The following NECAP2 variants were observed in gnomAD, a reference collection of about 807,000 sequenced individuals.
NECAP2 encodes the protein NECAP endocytosis associated 2, also known as adaptin ear-binding coat-associated protein 2.
Under a neutral mutation model 37.8 loss-of-function variants are expected in NECAP2, and 38 were observed. The observed-to-expected ratio is 1.01, with a 90% CI of 0.78 to 1.32. The LOEUF is 1.32. Among genes scored for constraint, NECAP2 ranks in the 40% most tolerant of loss-of-function variants. NECAP2 has a pLI of 0.00. For missense variants in NECAP2, 316 were observed against 334.5 expected (o/e 0.94, Z 0.43); for synonymous variants, 121 against 127.7 (o/e 0.95, Z 0.35).
chr1:16,442,654 G>A (rs1481171589), intron 1 of NECAP2, among the ~76,000 whole-genome samples: 4 of 152,244 alleles, frequency 2.6e-5, no homozygotes, highest in Admixed American at 2.0e-4. Flanking sequence ...ACAGCTGGCT[G>A]TGGTGGCTCA....
At chr1:16,456,587 T>C (rs762645954) in intron 7 of NECAP2, among the ~76,000 whole-genome samples, 13 of 152,150 alleles carry the variant, frequency 8.5e-5, no homozygotes, top group South Asian at 2.1e-4. Context: ...CCCATCCTCA[T>C]AGAACGCCTG....
rs564943374 is a variant in NECAP2, at chr1:16,441,046, C to T, written c.92+193C>T. On this transcript the variant is annotated intron_variant, in intron 1 of 7. Coordinates refer to ENST00000337132, the MANE Select transcript of NECAP2 (RefSeq NM_018090.5). ...GTTTCGCCCGTCTCAGTTCGACGCACGGGACTCCTGGCGGCGGGGAGGGCG... is the reference window on the plus strand; with the variant it reads ...GTTTCGCCCGTCTCAGTTCGACGCATGGGACTCCTGGCGGCGGGGAGGGCG... 59 of 578,282 alleles carry T rather than the reference C, an allele frequency of 1.0e-4. 2 individuals carry two copies. The South Asian group carries it at 1.2e-3, about 12-fold the overall frequency. 35.8% of individuals were successfully genotyped at this position (578,282 alleles called of 1,614,324 possible).
chr1:16,454,265 G>T (rs777693054), intron 6 of NECAP2, among the ~76,000 whole-genome samples: 17 of 150,744 alleles, frequency 1.1e-4, no homozygotes, highest in Non-Finnish European at 1.8e-4. Context: ...CTCCATGTTG[G>T]TCAGGCTGGT....
Position 16,459,965 on chromosome 1 carries a change from C to T in NECAP2, c.*1075C>T, listed in dbSNP as rs1485759283. 1.3e-5 allele frequency: 2 copies of T among 152,202 alleles called. No homozygotes were observed. The highest frequency in any genetic ancestry group is 2.9e-5 in the Non-Finnish European group (2 of 68,048). The allele number at this position is 152,202 out of a possible 1,614,324, so 9.4% of individuals were successfully genotyped here. A position where few individuals can be genotyped will look rare whatever the true frequency, so the allele number is the denominator to read the frequency against. On this transcript the variant is annotated 3_prime_UTR_variant, in exon 8 of 8. Transcript: ENST00000337132. ...CTCTGACATTCCTTTTATTAACTCACCTCTCAGTTGAAAGATTTCTTCTTT... is the reference window on the plus strand; with the variant it reads ...CTCTGACATTCCTTTTATTAACTCATCTCTCAGTTGAAAGATTTCTTCTTT...
intron 7 of NECAP2, 66 bp from the exon 8 acceptor site, chr1:16,458,776 A>C: frequency 6.4e-7 from 1 of 1,572,990 alleles, no homozygotes; most frequent in Non-Finnish European, 8.7e-7. Flanking sequence ...AGAGAAACCA[A>C]CTTTTATCTG....
chr1:16,451,060 T>C (rs886538996), intron 5 of NECAP2: 6 of 152,266 alleles, frequency 3.9e-5, no homozygotes, highest in African/African-American at 1.4e-4. Context: ...TCCCAGTAAC[T>C]GCCCTGAGTA....
At chr1:16,447,829 G>T in intron 2 of NECAP2, 41 bp from the exon 3 acceptor site, 1 of 1,550,256 alleles carries the variant, frequency 6.5e-7, no homozygotes, top group Non-Finnish European at 8.9e-7. Flanking sequence ...TGGCTGGAAG[G>T]GGGCTCAGGG....
At position 16,455,804 on chromosome 1, in the gene NECAP2, GGGAACATCAATAGGA is replaced by G; in HGVS notation, c.668-11_671del. 6.2e-7 allele frequency: 1 copy of G among 1,611,622 alleles called. No homozygotes were observed. Among genetic ancestry groups the G allele is most frequent in the Non-Finnish European group, 8.5e-7 (1 of 1,177,820 alleles). On this transcript the variant is annotated splice_acceptor_variant and splice_polypyrimidine_tract_variant and coding_sequence_variant and intron_variant, in exon 7 of 8. Coordinates refer to ENST00000337132, the MANE Select transcript of NECAP2 (RefSeq NM_018090.5). LOFTEE classifies it high-confidence loss of function. ...TCTTCTCTTCCTACGGGTCGGACTC[GGGAACATCAATAGGA>G]GGTGCTCCTGTACCCTGGCCACAGC...
chr1:16,456,785 G>A (rs2086926907), intron 7 of NECAP2, among the ~76,000 whole-genome samples: 1 of 152,214 alleles, frequency 6.6e-6, no homozygotes, highest in African/African-American at 2.4e-5. Context: ...CCAGGCTGGA[G>A]TGCAGTGGCA....
chr1:16,445,707 C>T (rs2086749894), intron 2 of NECAP2, among the ~76,000 whole-genome samples: 1 of 152,156 alleles, frequency 6.6e-6, no homozygotes, highest in Non-Finnish European at 1.5e-5. Context: ...AATTCCAGAG[C>T]AGCCTGGGCA....
Position 16,458,776 on chromosome 1 carries a change from A to G in NECAP2, c.744-66A>G, listed in dbSNP as rs368816918. The G allele has an allele frequency of 5.1e-6, 8 of 1,572,992 alleles. No individual in the cohort carries two copies. In the South Asian group the frequency reaches 9.1e-5, roughly 18 times the overall value. On this transcript the variant is annotated intron_variant, in intron 7 of 7. Transcript: ENST00000337132. ...GCTTTTTCTGTCCAGAGAGAAACCAACTTTTATCTGCTTTGTATTTTCAAA... is the reference window on the plus strand; with the variant it reads ...GCTTTTTCTGTCCAGAGAGAAACCAGCTTTTATCTGCTTTGTATTTTCAAA...
intron 5 of NECAP2, chr1:16,450,288 G>GTTTT: frequency 3.4e-6 from 1 of 298,194 alleles, no homozygotes; most frequent in African/African-American, 2.4e-5. Flanking sequence ...TTGTTTTGTT[G>GTTTT]TTTTTTTTTT....
In NECAP2 at chr1:16,440,812, C is replaced by T; in HGVS notation, c.51C>T (p.His17=). Residue 17 remains histidine (H), a synonymous_variant, in exon 1 of 8, where the codon CAC becomes CAT. Coordinates refer to ENST00000337132, the MANE Select transcript of NECAP2 (RefSeq NM_018090.5). ...TGCTCTGTGTCAAGCCTGACGTCCA[C>T]GTCTACCGCATCCCTCCGCGGGCTA... ...ESVLCVKPDV[H]VYRIPPRATN... 1.9e-6 allele frequency: 3 copies of T among 1,614,154 alleles called. No homozygotes were observed. The highest frequency in any genetic ancestry group is 2.5e-6 in the Non-Finnish European group (3 of 1,180,014).
Position 16,450,055 on chromosome 1 carries a change from G to A in NECAP2, c.489+854G>A, listed in dbSNP as rs545712117. 112 of 390,558 alleles carry A rather than the reference G, an allele frequency of 2.9e-4. 1 individual carries two copies. Among genetic ancestry groups the A allele is most frequent in the South Asian group, 1.0e-3 (58 of 55,608 alleles). The allele number at this position is 390,558 out of a possible 1,614,324, so 24.2% of individuals were successfully genotyped here. On this transcript the variant is annotated intron_variant, in intron 5 of 7. Transcript: ENST00000337132. ...AGAAGCTTTGTAACTCTAAAATAAT[G>A]CTTTTCCTCTTTACTTACTCTTTCT...
At position 16,447,962 on chromosome 1, in the gene NECAP2, G is replaced by A. The variant is rs1039481105; in HGVS notation, c.286G>A (p.Glu96Lys). 4 of 1,614,044 alleles carry A rather than the reference G, an allele frequency of 2.5e-6. No individual in the cohort carries two copies. In the Admixed American group the frequency reaches 5.0e-5, roughly 20 times the overall value. The change falls in exon 3 of 8, where the codon GAA becomes AAA. Residue 96 changes from glutamate (E) to lysine (K), a missense_variant. Glu to Lys is a moderately conservative substitution (Grantham distance 56). Around this residue, in one of 3 missense-constraint regions of NECAP2, gnomAD observed 81 missense variants for 124.2 expected, o/e 0.65. Coordinates refer to ENST00000337132, the MANE Select transcript of NECAP2 (RefSeq NM_018090.5). ...CAGCAGGTACTTCGTGATCCGCATC[G>A]AAGATGGAAATGGTAGGCATGGGTC... ...DSSRYFVIRI[E>K]DGNGRRAFIG... is the part of the protein sequence containing the mutation.
chr1:16,441,120 C>G, intron 1 of NECAP2: 3 of 496,408 alleles, frequency 6.0e-6, no homozygotes, highest in Non-Finnish European at 1.1e-5. Flanking sequence ...GCCGGGTACC[C>G]TAAACTTGGT....
intron 6 of NECAP2, among the ~76,000 whole-genome samples, chr1:16,453,190 A>G (rs917207367): frequency 3.3e-5 from 5 of 149,866 alleles, no homozygotes; most frequent in Non-Finnish European, 3.0e-5. Flanking sequence ...GCTCACTGCA[A>G]CCTCTGCCTC....
At chr1:16,449,811 A>G (rs1570264641) in intron 5 of NECAP2, 1 of 191,286 alleles carries the variant, frequency 5.2e-6, no homozygotes, top group Admixed American at 5.7e-5. Flanking sequence ...CTTCGTTCTG[A>G]GCTGCTCTGC....
intron 1 of NECAP2, among the ~76,000 whole-genome samples, chr1:16,441,820 T>C (rs1043058027): frequency 6.6e-6 from 1 of 152,198 alleles, no homozygotes; most frequent in African/African-American, 2.4e-5. Context: ...GCTGATCTTA[T>C]GGTGAAAAGA....
Sources: gnomAD v4.1 joint callset for allele counts (sites outside exome capture counted in the v4.1 genomes callset) on GRCh38, gnomAD v4.1.1 for gene constraint, gnomAD v4.1.1 regional missense constraint, MANE v1.5 for transcripts, NCBI Gene and HGNC (gene_info 2026-07-23, HGNC 2026-07-21) for gene names.